CSMD1: variants seen among roughly 807,000 people sequenced by gnomAD.
CSMD1 encodes the protein CUB and Sushi multiple domains 1.
CSMD1 carries 213 observed loss-of-function variants against 417.5 expected under a neutral mutation model. The observed-to-expected ratio is 0.51, with a 90% confidence interval of 0.46 to 0.57. The LOEUF is 0.57. CSMD1 is among the 20% of genes least tolerant of loss of function. The pLI is 0.00. For synonymous variants in CSMD1, 2,862 were observed against 1,736.8 expected (o/e 1.65, Z -16.11); for missense variants, 6,923 against 4,529.7 (o/e 1.53, Z -15.17).
intron 1 of CSMD1, among the ~76,000 whole-genome samples, chr8:4,957,362 T>C (rs1462713123): frequency 6.6e-6 from 1 of 152,156 alleles, no homozygotes; most frequent in African/African-American, 2.4e-5. Context: ...TGGCAGTTTG[T>C]GAAAAATTAT....
chr8:4,139,625 T>C (rs1387830957), intron 3 of CSMD1, among the ~76,000 whole-genome samples: 1 of 151,042 alleles, frequency 6.6e-6, no homozygotes, highest in Non-Finnish European at 1.5e-5. Context: ...GGAAGGGCAT[T>C]TGGAATAGTG....
intron 3 of CSMD1, among the ~76,000 whole-genome samples, chr8:4,225,833 A>G (rs1801314811): frequency 6.6e-6 from 1 of 152,184 alleles, no homozygotes; most frequent in African/African-American, 2.4e-5. Context: ...AAGTGGCACA[A>G]TATGATCAGC....
rs374791077 is a variant in CSMD1 at position 4,360,163 on chromosome 8, G to A, written c.415+59790C>T. On this transcript the variant is annotated intron_variant, in intron 3 of 69. Transcript: ENST00000635120. ...GATGATCTGAGAGGATGAACTACAC[G>A]TGAGAGTGACTGTCACCGAGTAAAC... Among the ~76,000 whole-genome samples the A allele has an allele frequency of 2.8e-4, 43 of 152,248 alleles. No individual in the cohort carries two copies. The East Asian group carries it at 7.8e-3, about 27-fold the overall frequency.
Position 4,794,486 on chromosome 8 carries a change from G to A in CSMD1, c.86-156928C>T, listed in dbSNP as rs574476621. On this transcript the variant is annotated intron_variant, in intron 1 of 69. Transcript: ENST00000635120. ...CTTAAAATCCAGTACAAAATGGGCA[G>A]CAAGTCACTGTGTTCTGTCCCCTGC... Among the ~76,000 whole-genome samples the A allele has an allele frequency of 1.2e-4, 19 of 152,216 alleles. No individual in the cohort carries two copies. In the South Asian group the frequency reaches 3.3e-3, roughly 27 times the overall value.
chr8:3,495,282 C>A (rs1372649157), intron 10 of CSMD1, among the ~76,000 whole-genome samples: 1 of 152,172 alleles, frequency 6.6e-6, no homozygotes, highest in Non-Finnish European at 1.5e-5. Context: ...AAAGAATCAT[C>A]ACTGAGACCT....
intron 3 of CSMD1, among the ~76,000 whole-genome samples, chr8:4,186,435 AG>A (rs1320893081): frequency 4.6e-5 from 7 of 152,314 alleles, no homozygotes; most frequent in Middle Eastern, 3.4e-3. Context: ...AAGTTTACAG[AG>A]CCCAGGTTTC....
At position 3,929,733 on chromosome 8, in the gene CSMD1, C is replaced by T. The variant is rs554322854; in HGVS notation, c.818+68170G>A. Among the ~76,000 whole-genome samples the T allele has an allele frequency of 3.0e-4, 45 of 149,856 alleles. 3 individuals are homozygous for T. Among genetic ancestry groups the T allele is most frequent in the African/African-American group, 1.0e-3 (41 of 40,608 alleles). Reference sequence around the variant, plus strand: ...CTGGAGTGCATTGGCACAATCTCGGCTCACTGCAACCTCAGCCTCCTGGAT... The same window carrying T: ...CTGGAGTGCATTGGCACAATCTCGGTTCACTGCAACCTCAGCCTCCTGGAT... On this transcript the variant is annotated intron_variant, in intron 5 of 69. Transcript: ENST00000635120.
intron 25 of CSMD1, among the ~76,000 whole-genome samples, chr8:3,295,475 G>A (rs940091792): frequency 9.2e-5 from 14 of 152,072 alleles, no homozygotes; most frequent in Non-Finnish European, 1.5e-4. Flanking sequence ...CTGAAAAAAA[G>A]GTAGAACTTT....
intron 2 of CSMD1, among the ~76,000 whole-genome samples, chr8:4,447,397 G>C (rs1421497797): frequency 6.6e-6 from 1 of 152,140 alleles, no homozygotes; most frequent in Non-Finnish European, 1.5e-5. Context: ...TGAATGATTG[G>C]GAAAGGAAGC....
intron 3 of CSMD1, among the ~76,000 whole-genome samples, chr8:4,050,866 C>G (rs191421932): frequency 1.9e-4 from 29 of 152,254 alleles, no homozygotes; most frequent in African/African-American, 6.0e-4. Context: ...TCTGAAAGGG[C>G]ACTTCTAATA....
chr8:4,554,772 G>A (rs1273369780), intron 2 of CSMD1, among the ~76,000 whole-genome samples: 1 of 152,182 alleles, frequency 6.6e-6, no homozygotes, highest in Non-Finnish European at 1.5e-5. Context: ...CATTGGCCAG[G>A]GAAACCCATG....
intron 1 of CSMD1, among the ~76,000 whole-genome samples, chr8:4,656,888 T>C (rs138327335): frequency 6.6e-6 from 1 of 152,126 alleles, no homozygotes; most frequent in African/African-American, 2.4e-5. Flanking sequence ...CCCAACATCT[T>C]ATCTGTCCTA....
chr8:2,948,379 T>A (rs1585037689), intron 68 of CSMD1, among the ~76,000 whole-genome samples: 1 of 151,968 alleles, frequency 6.6e-6, no homozygotes, highest in African/African-American at 2.4e-5. Context: ...CATTCAGATC[T>A]GATGATTGTT....
chr8:3,256,092 C>T (rs1428742862), intron 26 of CSMD1, among the ~76,000 whole-genome samples: 3 of 152,036 alleles, frequency 2.0e-5, no homozygotes, highest in Non-Finnish European at 4.4e-5. Flanking sequence ...CTTTGGGGGG[C>T]TGAGGCAGAC....
intron 1 of CSMD1, among the ~76,000 whole-genome samples, chr8:4,955,176 C>A (rs758295127): frequency 2.0e-5 from 3 of 152,062 alleles, no homozygotes; most frequent in Non-Finnish European, 4.4e-5. Context: ...TGCAGACCTA[C>A]GGGGCTGTTC....
At chr8:3,455,979 G>T (rs1563055907) in intron 12 of CSMD1, among the ~76,000 whole-genome samples, 1 of 152,198 alleles carries the variant, frequency 6.6e-6, no homozygotes, top group Non-Finnish European at 1.5e-5. Context: ...CTTCCGGGCT[G>T]CTTTGTTTAC....
intron 5 of CSMD1, among the ~76,000 whole-genome samples, chr8:3,866,683 A>G (rs1225033784): frequency 7.7e-6 from 1 of 129,256 alleles, no homozygotes; most frequent in Non-Finnish European, 1.8e-5. Flanking sequence ...CTATAGATAC[A>G]GCTGTTCTCA....
rs563651581 is a variant in CSMD1, at chr8:4,147,863, G to C, written c.416-115764C>G. On this transcript the variant is annotated intron_variant, in intron 3 of 69. Transcript: ENST00000635120. Reference sequence around the variant, plus strand: ...CTTCTCTGGTCTGGAAATGGTAGCTGAGCTTCATGGAATCAGGGGCTGCAT... The same window carrying C: ...CTTCTCTGGTCTGGAAATGGTAGCTCAGCTTCATGGAATCAGGGGCTGCAT... Among the ~76,000 whole-genome samples the C allele has an allele frequency of 8.5e-4, 130 of 152,196 alleles. 1 individual carries two copies. The highest frequency in any genetic ancestry group is 1.6e-3 in the Non-Finnish European group (108 of 68,014).
At chr8:3,656,614 G>T (rs1027421934) in intron 7 of CSMD1, among the ~76,000 whole-genome samples, 2 of 152,136 alleles carry the variant, frequency 1.3e-5, no homozygotes, top group East Asian at 3.9e-4. Context: ...CTTCCTTGCT[G>T]GTGCAGCTGT....
Sources: gnomAD v4.1 joint callset for allele counts (sites outside exome capture counted in the v4.1 genomes callset) on GRCh38, gnomAD v4.1.1 for gene constraint, MANE v1.5 for transcripts, NCBI Gene and HGNC (gene_info 2026-07-23, HGNC 2026-07-21) for gene names.